The following FAM3B variants were observed in gnomAD, a reference collection of about 807,000 sequenced individuals.
FAM3B encodes protein FAM3B.
Under a neutral mutation model 28.4 loss-of-function variants are expected in FAM3B, and 29 were observed. The ratio of observed to expected loss-of-function variants is 1.02; its 90% CI spans 0.76 to 1.39. FAM3B has a LOEUF of 1.39. Ranked by LOEUF, FAM3B falls within the 40% of genes most tolerant of loss-of-function variation. The pLI, the probability that FAM3B is intolerant of heterozygous loss-of-function variation, is 0.00. For synonymous variants in FAM3B, 91 were observed against 103.0 expected (o/e 0.88, Z 0.71); for missense variants, 266 against 293.9 (o/e 0.91, Z 0.69).
At chr21:41,333,736 A>G (rs1292994258) in intron 2 of FAM3B, among the ~76,000 whole-genome samples, 2 of 152,330 alleles carry the variant, frequency 1.3e-5, no homozygotes, top group African/African-American at 4.8e-5. Flanking sequence ...AAAATAAGGA[A>G]GCAGCTTTGG....
chr21:41,315,308 A>G (rs1052564445), upstream of FAM3B, among the ~76,000 whole-genome samples: 6 of 152,184 alleles, frequency 3.9e-5, no homozygotes, highest in African/African-American at 7.2e-5. Flanking sequence ...TTGTGCAATG[A>G]GTACAGAATT....
rs750130508 is a variant in FAM3B, at chr21:41,338,522, G to A, written c.287+21G>A. 3.1e-6 allele frequency: 5 copies of A among 1,613,264 alleles called. No individual in the cohort carries two copies. In the African/African-American group the frequency reaches 5.3e-5, roughly 17 times the overall value. ...AACCTGTAAGTACCAGCGTTTAGAA[G>A]GAAAATAAAGCGATCCTACTGATTC... is the stretch of plus-strand genomic sequence containing the variant. On this transcript the variant is annotated intron_variant, in intron 3 of 7. Transcript: ENST00000357985.
intron 2 of FAM3B, among the ~76,000 whole-genome samples, chr21:41,335,656 CT>C (rs2088949535): frequency 6.6e-6 from 1 of 152,184 alleles, no homozygotes; most frequent in African/African-American, 2.4e-5. Flanking sequence ...AATCTCTTTT[CT>C]TTATAAATGA....
At chr21:41,329,908 G>A (rs1241564507) in intron 2 of FAM3B, among the ~76,000 whole-genome samples, 1 of 152,002 alleles carries the variant, frequency 6.6e-6, no homozygotes, top group Non-Finnish European at 1.5e-5. Flanking sequence ...GAAAGCTCTT[G>A]ATTTCATAAG....
chr21:41,351,834 G>A (rs895444659), intron 7 of FAM3B, among the ~76,000 whole-genome samples: 1 of 152,168 alleles, frequency 6.6e-6, no homozygotes, highest in Non-Finnish European at 1.5e-5. Context: ...CAACCTCTTG[G>A]TTTTATAGGA....
chr21:41,341,839 G>A (rs2089009663), intron 3 of FAM3B, among the ~76,000 whole-genome samples: 1 of 152,144 alleles, frequency 6.6e-6, no homozygotes, highest in South Asian at 2.1e-4. Flanking sequence ...TTTGAAGAAG[G>A]ATTCTCACAA....
chr21:41,343,105 C>T (rs895005542), intron 3 of FAM3B, among the ~76,000 whole-genome samples: 3 of 152,192 alleles, frequency 2.0e-5, no homozygotes, highest in African/African-American at 4.8e-5. Context: ...CAGGATTCAA[C>T]CCTTTGTGAC....
At chr21:41,352,746 A>C (rs1170511018) in intron 7 of FAM3B, among the ~76,000 whole-genome samples, 1 of 152,130 alleles carries the variant, frequency 6.6e-6, no homozygotes. Context: ...GTGAGCCAAG[A>C]TAATGCCACT....
At chr21:41,309,469 A>T (rs1255920740) in intron 1 of FAM3B, among the ~76,000 whole-genome samples, 1 of 152,176 alleles carries the variant, frequency 6.6e-6, no homozygotes, top group Non-Finnish European at 1.5e-5. Flanking sequence ...CATCATGATG[A>T]TGCAGAAAAC....
chr21:41,305,397 C>T (rs1029487361), intron 1 of FAM3B, among the ~76,000 whole-genome samples: 2 of 152,136 alleles, frequency 1.3e-5, no homozygotes, highest in South Asian at 4.1e-4. Flanking sequence ...TTCAGAAATA[C>T]GTTCTATTTT....
upstream of FAM3B, among the ~76,000 whole-genome samples, chr21:41,312,201 A>G (rs2088718863): frequency 6.6e-6 from 1 of 152,222 alleles, no homozygotes; most frequent in Non-Finnish European, 1.5e-5. Context: ...CCAAAACTTG[A>G]TGCGTGGTAG....
intron 2 of FAM3B, among the ~76,000 whole-genome samples, chr21:41,337,120 T>G (rs913002232): frequency 2.0e-5 from 3 of 152,264 alleles, no homozygotes; most frequent in African/African-American, 7.2e-5. Context: ...TTACTTGTGA[T>G]ATTTTATGTA....
intron 2 of FAM3B, among the ~76,000 whole-genome samples, chr21:41,330,432 T>C (rs570593753): frequency 3.9e-5 from 6 of 152,352 alleles, no homozygotes; most frequent in African/African-American, 1.4e-4. Flanking sequence ...ATGCATCCAC[T>C]CGGCATCTTG....
At chr21:41,307,250 T>C (rs1356518110) in intron 1 of FAM3B, among the ~76,000 whole-genome samples, 1 of 152,234 alleles carries the variant, frequency 6.6e-6, no homozygotes, top group Non-Finnish European at 1.5e-5. Context: ...AACCAACCTC[T>C]CCCAGCTCCC....
At chr21:41,304,396 G>A (rs1285805601) in intron 1 of FAM3B, 3 of 430,152 alleles carry the variant, frequency 7.0e-6, no homozygotes, top group Non-Finnish European at 1.4e-5. Context: ...TGAGCAGCCC[G>A]AGGGAGTCGC....
chr21:41,322,220 G>A (rs1030391054), intron 1 of FAM3B, among the ~76,000 whole-genome samples: 4 of 152,156 alleles, frequency 2.6e-5, no homozygotes, highest in South Asian at 4.1e-4. Flanking sequence ...CCCAGGAGGA[G>A]ATCAATGCCT....
chr21:41,329,188 C>A (rs1025559382), intron 2 of FAM3B, among the ~76,000 whole-genome samples: 16 of 152,208 alleles, frequency 1.1e-4, no homozygotes, highest in Admixed American at 7.2e-4. Flanking sequence ...CCCCACTTAT[C>A]TGTGGTTTTG....
chr21:41,342,583 C>T (rs912052439), intron 3 of FAM3B, among the ~76,000 whole-genome samples: 1 of 152,200 alleles, frequency 6.6e-6, no homozygotes, highest in African/African-American at 2.4e-5. Flanking sequence ...AATTCTCTCA[C>T]CCACTGTACC....
intron 1 of FAM3B, among the ~76,000 whole-genome samples, chr21:41,307,002 G>A (rs965129627): frequency 1.3e-5 from 2 of 152,190 alleles, no homozygotes; most frequent in African/African-American, 4.8e-5. Context: ...AAAAGAGTTA[G>A]CCTGTCTCTG....
Sources: gnomAD v4.1 joint callset for allele counts (sites outside exome capture counted in the v4.1 genomes callset) on GRCh38, gnomAD v4.1.1 for gene constraint, MANE v1.5 for transcripts, NCBI Gene and HGNC (gene_info 2026-07-23, HGNC 2026-07-21) for gene names.